The following ENOX2 variants were observed in gnomAD, a reference collection of about 807,000 sequenced individuals.
ENOX2 encodes APK1 antigen.
ENOX2 carries 36 observed loss-of-function variants against 45.0 expected under a neutral mutation model. The ratio of observed to expected loss-of-function variants is 0.80; its 90% confidence interval spans 0.61 to 1.06. ENOX2 has a LOEUF of 1.06. ENOX2 is among the 50% of genes least tolerant of loss of function. ENOX2 has a pLI of 0.00. For synonymous variants in ENOX2, 174 were observed against 152.3 expected (o/e 1.14, Z -1.05); for missense variants, 423 against 462.5 (o/e 0.91, Z 0.78).
intron 2 of ENOX2, among the ~76,000 whole-genome samples, chrX:130,900,392 G>GT (rs1205601712): frequency 8.9e-6 from 1 of 112,272 alleles, no homozygotes; most frequent in Non-Finnish European, 1.9e-5. Context: ...TGGGAGCACA[G>GT]TGTAACTACC....
chrX:130,855,981 A>G (rs1351953877), intron 2 of ENOX2, among the ~76,000 whole-genome samples: 4 of 112,039 alleles, frequency 3.6e-5, no homozygotes, highest in Non-Finnish European at 5.6e-5. Context: ...ACTCAACATC[A>G]CTAGCCCTCA....
chrX:130,655,658 G>A (rs1239744774), intron 10 of ENOX2, among the ~76,000 whole-genome samples: 1 of 111,959 alleles, frequency 8.9e-6, no homozygotes, highest in Non-Finnish European at 1.9e-5. Flanking sequence ...TTTTGAGGCA[G>A]AGTTTTGGTC....
chrX:130,852,466 A>C (rs2078229866), intron 2 of ENOX2, among the ~76,000 whole-genome samples: 1 of 112,262 alleles, frequency 8.9e-6, no homozygotes, highest in Non-Finnish European at 1.9e-5. Context: ...CATATGAAAA[A>C]TAAAATATCA....
At chrX:130,855,716 T>A (rs2078295167) in intron 2 of ENOX2, among the ~76,000 whole-genome samples, 1 of 111,348 alleles carries the variant, frequency 9.0e-6, no homozygotes, top group South Asian at 3.7e-4. Flanking sequence ...AAAAAAACAA[T>A]ACATTATTAT....
At chrX:130,826,030 C>G (rs1001389140) in intron 2 of ENOX2, among the ~76,000 whole-genome samples, 10 of 110,866 alleles carry the variant, frequency 9.0e-5, no homozygotes, top group Non-Finnish European at 1.9e-4. Context: ...ATATAAGGTT[C>G]AGTACCATCC....
chrX:130,845,294 T>A (rs936083228), intron 2 of ENOX2, among the ~76,000 whole-genome samples: 2 of 111,617 alleles, frequency 1.8e-5, no homozygotes, highest in African/African-American at 6.5e-5. Context: ...AAGGACAGGG[T>A]AGTAAGAAAG....
chrX:130,675,370 T>A (rs990988298), intron 6 of ENOX2, among the ~76,000 whole-genome samples: 1 of 112,592 alleles, frequency 8.9e-6, no homozygotes, highest in Admixed American at 9.4e-5. Flanking sequence ...AAAGCATCCA[T>A]GGACAAAAGA....
intron 2 of ENOX2, among the ~76,000 whole-genome samples, chrX:130,837,985 T>A (rs749118418): frequency 4.5e-5 from 5 of 112,128 alleles, no homozygotes; most frequent in Non-Finnish European, 9.4e-5. Context: ...TGAAGACTCC[T>A]ATCCAAAGCA....
intron 2 of ENOX2, among the ~76,000 whole-genome samples, chrX:130,833,011 T>TCACACACACACACACACA (rs10568834): frequency 1.2e-5 from 1 of 82,995 alleles, no homozygotes; most frequent in Non-Finnish European, 2.5e-5. Flanking sequence ...TCATGTATAA[T>TCACACACACACACACACA]CACACACACA....
chrX:130,794,165 A>T (rs1245489826), intron 2 of ENOX2, among the ~76,000 whole-genome samples: 1 of 112,143 alleles, frequency 8.9e-6, no homozygotes, highest in Non-Finnish European at 1.9e-5. Context: ...TGACAGGAAA[A>T]GGGCAGGTTC....
intron 3 of ENOX2, among the ~76,000 whole-genome samples, chrX:130,735,958 T>C (rs2038850101): frequency 8.9e-6 from 1 of 112,384 alleles, no homozygotes; most frequent in Non-Finnish European, 1.9e-5. Context: ...GATGAAATGC[T>C]GATAGAGGTT....
intron 7 of ENOX2, among the ~76,000 whole-genome samples, chrX:130,668,057 T>TTG (rs1171654885): frequency 7.8e-4 from 80 of 103,029 alleles, no homozygotes; most frequent in East Asian, 5.2e-3. Context: ...CCCTCTCTGA[T>TTG]TGTGTGTGTG....
chrX:130,683,527 G>A (rs890653137), intron 5 of ENOX2, among the ~76,000 whole-genome samples: 1 of 111,472 alleles, frequency 9.0e-6, no homozygotes, highest in African/African-American at 3.3e-5. Context: ...TGGCTCCTGG[G>A]TATTTTCCCA....
intron 3 of ENOX2, among the ~76,000 whole-genome samples, chrX:130,761,168 T>C (rs1001157914): frequency 1.8e-5 from 2 of 111,797 alleles, no homozygotes; most frequent in African/African-American, 6.5e-5. Flanking sequence ...AGTATTTGTG[T>C]AATATTAGTC....
chrX:130,814,518 A>G (rs773528991), intron 2 of ENOX2, among the ~76,000 whole-genome samples: 55 of 110,845 alleles, frequency 5.0e-4, no homozygotes, highest in African/African-American at 1.8e-3. Context: ...CTGGTGGGTG[A>G]CCCTCTGGGG....
chrX:130,873,104 C>A (rs1321162822), intron 2 of ENOX2, among the ~76,000 whole-genome samples: 1 of 111,591 alleles, frequency 9.0e-6, no homozygotes. Flanking sequence ...TCAGAGTGAA[C>A]AAGCAACCTA....
intron 3 of ENOX2, among the ~76,000 whole-genome samples, chrX:130,757,404 A>T (rs2039378143): frequency 8.9e-6 from 1 of 112,328 alleles, no homozygotes; most frequent in Admixed American, 9.4e-5. Flanking sequence ...GATCCTGATT[A>T]GTTCCTGCAC....
At chrX:130,831,597 C>T (rs2077829893) in intron 2 of ENOX2, among the ~76,000 whole-genome samples, 1 of 111,484 alleles carries the variant, frequency 9.0e-6, no homozygotes, top group African/African-American at 3.3e-5. Flanking sequence ...ATGACAGGTA[C>T]TTCCTCAATT....
At chrX:130,721,077 G>C (rs2038462450) in intron 3 of ENOX2, among the ~76,000 whole-genome samples, 1 of 111,842 alleles carries the variant, frequency 8.9e-6, no homozygotes, top group African/African-American at 3.3e-5. Flanking sequence ...TGTCGTTAAA[G>C]GGAACCAGGA....
Sources: gnomAD v4.1 joint callset for allele counts (sites outside exome capture counted in the v4.1 genomes callset) on GRCh38, gnomAD v4.1.1 for gene constraint, MANE v1.5 for transcripts, NCBI Gene and HGNC (gene_info 2026-07-23, HGNC 2026-07-21) for gene names.